ZNF492: variants seen among roughly 807,000 people sequenced by gnomAD.
ZNF492 encodes zinc finger protein 115 (Y20).
Under a neutral mutation model 6.4 loss-of-function variants are expected in ZNF492, and 3 were observed. That is an observed-to-expected ratio of 0.47 (90% CI 0.21 to 1.22). The LOEUF is 1.22. ZNF492 is among the 50% of genes most tolerant of loss of function. ZNF492 has a pLI of 0.22. For synonymous variants in ZNF492, 112 were observed against 205.3 expected (o/e 0.55, Z 3.89); for missense variants, 356 against 612.5 (o/e 0.58, Z 4.42).
Position 22,638,721 on chromosome 19 carries a change from T to A in ZNF492, c.-94+4247T>A, listed in dbSNP as rs552405115. On this transcript the variant is annotated intron_variant, in intron 1 of 3. Coordinates refer to ENST00000456783, the MANE Select transcript of ZNF492 (RefSeq NM_020855.3). ...GCCCTTTTTTGGTTCCATATAAATT[T>A]AAAAATTTTTTTGTTTTGTTTTTTA... 3.9e-5 allele frequency among the ~76,000 whole-genome samples: 6 copies of A among 152,346 alleles called. No homozygotes were observed. The East Asian group carries it at 9.6e-4, about 24-fold the overall frequency.
chr19:22,655,038 A>G (rs1335468237), intron 3 of ZNF492, among the ~76,000 whole-genome samples: 8 of 151,578 alleles, frequency 5.3e-5, no homozygotes, highest in African/African-American at 1.7e-4. Flanking sequence ...CACGCCTGTA[A>G]TCCCTGCACT....
In ZNF492 at chr19:22,667,270, A is replaced by G. The variant is rs747631636; in HGVS notation, c.*2005A>G. 2.4e-4 allele frequency: 37 copies of G among 152,288 alleles called. No homozygotes were observed. The highest frequency in any genetic ancestry group is 3.5e-4 in the Non-Finnish European group (24 of 68,006). 9.4% of individuals were successfully genotyped at this position (152,288 alleles called of 1,614,324 possible). A position where few individuals can be genotyped will look rare whatever the true frequency, so the allele number is the denominator to read the frequency against. The stretch of plus-strand genomic sequence containing the variant: ...ATAAAATAAATGGTGGTAACAATAC[A>G]CTATTTGGTAAAAGAATGCACTAAC... On this transcript the variant is annotated 3_prime_UTR_variant, in exon 4 of 4. Transcript: ENST00000456783.
Position 22,652,243 on chromosome 19 carries a change from C to G in ZNF492, c.-93-1064C>G, listed in dbSNP as rs1411320714. On this transcript the variant is annotated intron_variant, in intron 1 of 3. Transcript: ENST00000456783. ...AGGCTTTTTTTTTTTTTTTTTGAGACGGAGTCTCGCTCTGTCGCCCAGGCC... is the reference window on the plus strand; with the variant it reads ...AGGCTTTTTTTTTTTTTTTTTGAGAGGGAGTCTCGCTCTGTCGCCCAGGCC... Among the ~76,000 whole-genome samples the G allele has an allele frequency of 5.1e-5, 3 of 58,714 alleles. No individual in the cohort carries two copies. The African/African-American group carries it at 6.9e-4, about 14-fold the overall frequency. The allele number at this position is 58,714 out of a possible 152,430, so 38.5% of individuals were successfully genotyped here. A position where few individuals can be genotyped will look rare whatever the true frequency, so the allele number is the denominator to read the frequency against.
At chr19:22,643,750 T>A (rs1971851253) in intron 1 of ZNF492, among the ~76,000 whole-genome samples, 1 of 152,192 alleles carries the variant, frequency 6.6e-6, no homozygotes, top group African/African-American at 2.4e-5. Flanking sequence ...ATGTTCTGGG[T>A]GGAAGCATTC....
chr19:22,642,435 G>C (rs1971837495), intron 1 of ZNF492, among the ~76,000 whole-genome samples: 1 of 118,998 alleles, frequency 8.4e-6, no homozygotes, highest in Non-Finnish European at 1.6e-5. Flanking sequence ...TGTTGCCCAG[G>C]CTGGAGTGCA....
At position 22,665,935 on chromosome 19, in the gene ZNF492, G is replaced by C. The variant is rs1972121106; in HGVS notation, c.*670G>C. On this transcript the variant is annotated 3_prime_UTR_variant, in exon 4 of 4. Coordinates refer to ENST00000456783, the MANE Select transcript of ZNF492 (RefSeq NM_020855.3). ...ACTTTACACTGAATCAGAGTTCTGA[G>C]TTTAGAAAGTAATCCAAAACTAAAC... 1 of 152,080 alleles carries C rather than the reference G, an allele frequency of 6.6e-6. No homozygotes were observed. 9.4% of individuals were successfully genotyped at this position (152,080 alleles called of 1,614,324 possible).
At chr19:22,643,891 T>C (rs1445000683) in intron 1 of ZNF492, among the ~76,000 whole-genome samples, 1 of 152,190 alleles carries the variant, frequency 6.6e-6, no homozygotes, top group East Asian at 1.9e-4. Flanking sequence ...CCTCTTTTCT[T>C]TGGGTTTCAT....
At chr19:22,646,698 C>A (rs1231081893) in intron 1 of ZNF492, among the ~76,000 whole-genome samples, 1 of 152,060 alleles carries the variant, frequency 6.6e-6, no homozygotes, top group East Asian at 1.9e-4. Flanking sequence ...TCCATTAACA[C>A]CTAATTTATT....
At position 22,634,403 on chromosome 19, in the gene ZNF492, G is replaced by A; in HGVS notation, c.-165G>A. On this transcript the variant is annotated 5_prime_UTR_variant, in exon 1 of 4. It adds an upstream start codon to the 5' untranslated region. Coordinates refer to ENST00000456783, the MANE Select transcript of ZNF492 (RefSeq NM_020855.3). The stretch of plus-strand genomic sequence containing the variant: ...CTCTGGTCCTAGAGGCCCATCCTCT[G>A]TGGCCCTGTGACCTGCAGGTATTGG... 7.6e-7 allele frequency: 1 copy of A among 1,316,818 alleles called. No homozygotes were observed. Among genetic ancestry groups the A allele is most frequent in the Non-Finnish European group, 1.1e-6 (1 of 928,078 alleles). The allele number at this position is 1,316,818 out of a possible 1,614,324, so 81.6% of individuals were successfully genotyped here.
chr19:22,650,449 AGG>A (rs972419164), intron 1 of ZNF492, among the ~76,000 whole-genome samples: 2 of 151,464 alleles, frequency 1.3e-5, no homozygotes, highest in Non-Finnish European at 2.9e-5. Flanking sequence ...CCCTTGGTGG[AGG>A]GGGTATGCTT....
chr19:22,647,594 C>T (rs970996870), intron 1 of ZNF492, among the ~76,000 whole-genome samples: 7 of 140,790 alleles, frequency 5.0e-5, no homozygotes, highest in Admixed American at 3.6e-4. Context: ...AAAAACAGCT[C>T]CTGGATTCAT....
chr19:22,659,561 TACAC>T (rs569041771), intron 3 of ZNF492, among the ~76,000 whole-genome samples: 44 of 138,764 alleles, frequency 3.2e-4, no homozygotes, highest in South Asian at 1.8e-3. Context: ...TAATGTGAGA[TACAC>T]ACACACACAC....
At chr19:22,652,927 G>T (rs1045396120) in intron 1 of ZNF492, among the ~76,000 whole-genome samples, 79 of 152,210 alleles carry the variant, frequency 5.2e-4, no homozygotes, top group African/African-American at 1.8e-3. Context: ...CCAGTTTATT[G>T]TACACATTAA....
intron 3 of ZNF492, among the ~76,000 whole-genome samples, chr19:22,657,344 G>A (rs2145257921): frequency 6.6e-6 from 1 of 152,084 alleles, no homozygotes; most frequent in African/African-American, 2.4e-5. Context: ...TCTTTATTTA[G>A]CAATGTAAGG....
chr19:22,652,221 C>CTTTTTTTGTTTTTTTTT (rs1971946743), intron 1 of ZNF492, among the ~76,000 whole-genome samples: 1 of 105,508 alleles, frequency 9.5e-6, no homozygotes, highest in African/African-American at 5.7e-5. Flanking sequence ...CTTTCTTAGG[C>CTTTTTTTGTTTTTTTTT]TTTTTTTTTT....
chr19:22,662,901 G>A (rs1392571320), intron 3 of ZNF492, among the ~76,000 whole-genome samples: 1 of 151,992 alleles, frequency 6.6e-6, no homozygotes, highest in Non-Finnish European at 1.5e-5. Flanking sequence ...TCATTCTGGT[G>A]GTAGTTTCTT....
At position 22,664,047 on chromosome 19, in the gene ZNF492, A is replaced by C. The variant is rs767536206; in HGVS notation, c.378A>C (p.Ser126=). Residue 126 remains serine, a synonymous_variant, in exon 4 of 4, where the codon TCA becomes TCC. Transcript: ENST00000456783. ...DKYVKVFHKF[S]NSNRHTIRHT... ...ATGTGAAAGTCTTTCATAAATTTTC[A>C]AATTCAAACAGACATACGATAAGAC... 1.7e-5 allele frequency: 28 copies of C among 1,604,142 alleles called. No homozygotes were observed. The South Asian group carries it at 2.9e-4, about 17-fold the overall frequency.
At chr19:22,637,054 C>A (rs1354015408) in intron 1 of ZNF492, among the ~76,000 whole-genome samples, 1 of 148,092 alleles carries the variant, frequency 6.8e-6, no homozygotes, top group Non-Finnish European at 1.5e-5. Flanking sequence ...CTCCTGGGTT[C>A]AAGCAATTTT....
intron 1 of ZNF492, among the ~76,000 whole-genome samples, chr19:22,635,390 A>G (rs1259315649): frequency 6.6e-6 from 1 of 152,200 alleles, no homozygotes. Context: ...TCAAATGCCA[A>G]CTTCTTTTCC....
Sources: allele counts gnomAD v4.1 joint callset (sites outside exome capture counted in the v4.1 genomes callset), GRCh38; gene constraint gnomAD v4.1.1; transcripts MANE v1.5; gene names NCBI Gene and HGNC (gene_info 2026-07-23, HGNC 2026-07-21).